KATNBL1: variants seen among roughly 807,000 people sequenced by gnomAD.
KATNBL1 encodes the protein KATNB1-like protein 1.
A neutral mutation model predicts 44.7 loss-of-function variants in KATNBL1; 28 were observed. The ratio of observed to expected loss-of-function variants is 0.63; its 90% CI spans 0.46 to 0.86. The LOEUF is 0.86. Among genes scored for constraint, KATNBL1 ranks in the 40% least tolerant of loss-of-function variants. The pLI is 0.00. For missense variants in KATNBL1, 272 were observed against 350.7 expected, an observed-to-expected ratio of 0.78 and a Z score of 1.79; for synonymous variants, 78 against 114.9, an observed-to-expected ratio of 0.68 and a Z score of 2.06.
At chr15:34,170,503 C>CCAT (rs1889126319) in intron 1 of KATNBL1, among the ~76,000 whole-genome samples, 1 of 152,132 alleles carries the variant, frequency 6.6e-6, no homozygotes, top group Non-Finnish European at 1.5e-5. Context: ...GTGAAAATGG[C>CCAT]CATACTGCCC....
intron 9 of KATNBL1, chr15:34,142,992 G>T (rs931140683): frequency 1.5e-5 from 17 of 1,115,330 alleles, no homozygotes; most frequent in Non-Finnish European, 2.0e-5. Context: ...TTACAGGCAT[G>T]AGCCACCTTG....
chr15:34,143,945 C>A (rs1200507645), intron 9 of KATNBL1, among the ~76,000 whole-genome samples: 1 of 110,168 alleles, frequency 9.1e-6, no homozygotes, highest in Non-Finnish European at 1.6e-5. Context: ...CCAGCCTGGG[C>A]GACAGAGCGA....
intron 7 of KATNBL1, 66 bp downstream of exon 7, chr15:34,147,134 C>T (rs547225796): frequency 3.6e-5 from 36 of 995,898 alleles, no homozygotes; most frequent in Non-Finnish European, 5.4e-5. Flanking sequence ...CTACTATGTA[C>T]TCACAAAGCA....
chr15:34,181,235 T>C (rs1367751853), intron 1 of KATNBL1, among the ~76,000 whole-genome samples: 1 of 152,150 alleles, frequency 6.6e-6, no homozygotes, highest in Non-Finnish European at 1.5e-5. Context: ...AAAAAGGCCC[T>C]AAGAAGTTGG....
intron 1 of KATNBL1, among the ~76,000 whole-genome samples, chr15:34,188,136 G>GCAAAAAAAAAAAAAAAA (rs1394136257): frequency 2.0e-3 from 13 of 6,592 alleles, no homozygotes; most frequent in Admixed American, 7.7e-3. Flanking sequence ...AAGACGCCAT[G>GCAAAAAAAAAAAAAAAA]TAAAAAAAAA....
intron 1 of KATNBL1, among the ~76,000 whole-genome samples, chr15:34,182,247 G>C (rs1889589891): frequency 6.6e-6 from 1 of 151,862 alleles, no homozygotes; most frequent in South Asian, 2.1e-4. Context: ...CATGATTTTT[G>C]GCAGATCATT....
intron 1 of KATNBL1, chr15:34,208,685 A>AT: frequency 6.6e-6 from 1 of 152,366 alleles, no homozygotes; most frequent in East Asian, 1.9e-4. Flanking sequence ...TAGTCAATGG[A>AT]TTTTTTGCTC....
chr15:34,181,561 C>CAT (rs1159512262), intron 1 of KATNBL1, among the ~76,000 whole-genome samples: 12 of 143,642 alleles, frequency 8.4e-5, no homozygotes, highest in African/African-American at 2.8e-4. Context: ...TATATATGTC[C>CAT]ATATATATAT....
At chr15:34,181,918 G>C (rs1023414857) in intron 1 of KATNBL1, among the ~76,000 whole-genome samples, 3 of 142,824 alleles carry the variant, frequency 2.1e-5, no homozygotes, top group African/African-American at 7.6e-5. Context: ...TTTTGCTGGG[G>C]AAAGATTCCA....
intron 1 of KATNBL1, among the ~76,000 whole-genome samples, chr15:34,183,889 G>C (rs1454577298): frequency 1.3e-5 from 2 of 152,136 alleles, no homozygotes; most frequent in Non-Finnish European, 2.9e-5. Context: ...CCTAAACTCG[G>C]CTGGGTGCGG....
intron 1 of KATNBL1, among the ~76,000 whole-genome samples, chr15:34,197,896 C>T (rs925961945): frequency 3.3e-5 from 5 of 152,064 alleles, no homozygotes; most frequent in East Asian, 1.9e-4. Flanking sequence ...TACAGGCACA[C>T]GCCACCACAC....
In KATNBL1 at chr15:34,141,184, A is replaced by G. The variant is rs181832917; in HGVS notation, c.*1155T>C. The G allele has an allele frequency of 9.8e-5, 15 of 152,684 alleles. No homozygotes were observed. Among genetic ancestry groups the G allele is most frequent in the Admixed American group, 7.8e-4 (12 of 15,298 alleles). The allele number at this position is 152,684 out of a possible 1,614,324, so 9.5% of individuals were successfully genotyped here. On this transcript the variant is annotated 3_prime_UTR_variant, in exon 10 of 10. Coordinates refer to ENST00000256544, the MANE Select transcript of KATNBL1 (RefSeq NM_024713.3). Reference sequence around the variant, plus strand: ...ACATTCCAGAATTTGGTTCACTGACACTAAAAGTGGTATTTTAAAAAAAGA... The same window carrying G: ...ACATTCCAGAATTTGGTTCACTGACGCTAAAAGTGGTATTTTAAAAAAAGA...
intron 1 of KATNBL1, among the ~76,000 whole-genome samples, chr15:34,201,298 A>T (rs1890171852): frequency 1.3e-5 from 2 of 152,246 alleles, no homozygotes; most frequent in Admixed American, 1.3e-4. Context: ...AAAGTAAGGT[A>T]GCAAAACACT....
At chr15:34,181,655 CAT>C (rs1202192333) in intron 1 of KATNBL1, among the ~76,000 whole-genome samples, 1 of 94,474 alleles carries the variant, frequency 1.1e-5, no homozygotes, top group African/African-American at 4.7e-5. Context: ...TATATATGTC[CAT>C]ATATATATCC....
At chr15:34,182,983 G>A (rs1453124797) in intron 1 of KATNBL1, among the ~76,000 whole-genome samples, 2 of 149,400 alleles carry the variant, frequency 1.3e-5, no homozygotes, top group African/African-American at 4.8e-5. Flanking sequence ...ATAAATTGGG[G>A]CACACAGCTA....
intron 1 of KATNBL1, among the ~76,000 whole-genome samples, chr15:34,169,678 C>T (rs1047880690): frequency 1.3e-5 from 2 of 152,262 alleles, no homozygotes; most frequent in South Asian, 2.1e-4. Flanking sequence ...AACACTGATG[C>T]GAAAATCTTC....
In KATNBL1 at chr15:34,144,594, G is replaced by A. The variant is rs557998049; in HGVS notation, c.882+804C>T. The stretch of plus-strand genomic sequence containing the variant: ...TTTCTTTCTTTTTTTTTTTTGAGAC[G>A]GAGTTTCACTCTGTTGCCCAAACTG... On this transcript the variant is annotated intron_variant, in intron 9 of 9. Coordinates refer to ENST00000256544, the MANE Select transcript of KATNBL1 (RefSeq NM_024713.3). Among the ~76,000 whole-genome samples the A allele has an allele frequency of 8.8e-5, 13 of 147,678 alleles. No individual in the cohort carries two copies. In the South Asian group the frequency reaches 1.9e-3, roughly 22 times the overall value.
chr15:34,150,482 T>C (rs1888435309), intron 4 of KATNBL1, among the ~76,000 whole-genome samples: 1 of 152,158 alleles, frequency 6.6e-6, no homozygotes, highest in South Asian at 2.1e-4. Flanking sequence ...TAGTCCCAGT[T>C]ACTCTGGAGA....
intron 9 of KATNBL1, among the ~76,000 whole-genome samples, chr15:34,143,962 A>T (rs1597420896): frequency 1.6e-5 from 1 of 61,366 alleles, no homozygotes. Flanking sequence ...GCGAGATTCC[A>T]TCTCAAAAAA....
Sources: allele counts gnomAD v4.1 joint callset (sites outside exome capture counted in the v4.1 genomes callset), GRCh38; gene constraint gnomAD v4.1.1; transcripts MANE v1.5; gene names NCBI Gene and HGNC (gene_info 2026-07-23, HGNC 2026-07-21).